The following BTNL8 variants were observed in gnomAD, a reference collection of about 807,000 sequenced individuals.
BTNL8 encodes the protein butyrophilin-like protein 8.
BTNL8 carries 22 observed loss-of-function variants against 36.1 expected under a neutral mutation model. The ratio of observed to expected loss-of-function variants is 0.61; its 90% confidence interval spans 0.44 to 0.87. The LOEUF (loss-of-function observed/expected upper bound fraction) is 0.87, where lower values mean the gene tolerates loss of function less well. Among genes scored for constraint, BTNL8 ranks in the 40% least tolerant of loss-of-function variants. The pLI is 0.00. For missense variants in BTNL8, 526 were observed against 616.9 expected, an observed-to-expected ratio of 0.85 and a Z score of 1.56; for synonymous variants, 203 against 235.6, an observed-to-expected ratio of 0.86 and a Z score of 1.27.
In BTNL8 at chr5:180,908,752, C is replaced by G. The variant is rs1402142093; in HGVS notation, c.216C>G (p.Asp72Glu). 3 of 1,614,056 alleles carry G rather than the reference C, an allele frequency of 1.9e-6. No individual in the cohort carries two copies. The highest frequency in any genetic ancestry group is 2.5e-6 in the Non-Finnish European group (3 of 1,180,056). ...TCCACCTCTACAGGGACGGGAAGGA[C>G]CAGCCATTTATGCAGATGCCACAGT... ...SVVHLYRDGKDQPFMQMPQYQ... is the reference protein window; with the variant it reads ...SVVHLYRDGKEQPFMQMPQYQ... The change falls in exon 2 of 8, where the codon GAC becomes GAG. Residue 72 changes from aspartate to glutamate, a missense_variant. Physicochemically the swap from Asp to Glu is conservative, Grantham distance 45. This residue lies in a region of BTNL8 where 350 missense variants were observed against 324.6 expected (regional missense o/e 1.08). Coordinates refer to ENST00000340184, the MANE Select transcript of BTNL8 (RefSeq NM_001040462.3).
chr5:180,910,255 A>G (rs1428688458), intron 2 of BTNL8, among the ~76,000 whole-genome samples: 4 of 152,070 alleles, frequency 2.6e-5, no homozygotes. Flanking sequence ...AAAAGAAAAA[A>G]AAAAAGAGGA....
chr5:180,941,295 A>G (rs1442174084), intron 3 of BTNL8, among the ~76,000 whole-genome samples: 1 of 152,236 alleles, frequency 6.6e-6, no homozygotes, highest in African/African-American at 2.4e-5. Flanking sequence ...AACAAGAGTG[A>G]ATCAGCAGTA....
At position 180,950,116 on chromosome 5, in the gene BTNL8, CG is replaced by C; in HGVS notation, c.1078del (p.Asp360MetfsTer10). 1 of 1,462,508 alleles carries C rather than the reference CG, an allele frequency of 6.8e-7. No individual in the cohort carries two copies. Among genetic ancestry groups the C allele is most frequent in the Non-Finnish European group, 9.4e-7 (1 of 1,058,658 alleles). The allele number at this position is 1,462,508 out of a possible 1,614,324, so 90.6% of individuals were successfully genotyped here. A position where few individuals can be genotyped will look rare whatever the true frequency, so the allele number is the denominator to read the frequency against. ...HNKRWRVGVC[R>X]DDVDRRKEYV... ...TAAAAGGTGGCGCGTGGGAGTGTGC[CG>C]GGATGATGTGGACAGGAGGAAGGAG... On this transcript the variant is annotated frameshift_variant, in exon 8 of 8. Transcript: ENST00000340184. LOFTEE classifies it low-confidence loss of function (END_TRUNC).
chr5:180,929,060 C>T (rs995806376), intron 3 of BTNL8, among the ~76,000 whole-genome samples: 2 of 151,948 alleles, frequency 1.3e-5, no homozygotes, highest in Non-Finnish European at 2.9e-5. Flanking sequence ...TCACATAATT[C>T]GAAACAGAAC....
At position 180,946,105 on chromosome 5, in the gene BTNL8, T is replaced by A. The variant is rs1481940390; in HGVS notation, c.674-1407T>A. Among the ~76,000 whole-genome samples, 3 of 152,190 alleles carry A rather than the reference T, an allele frequency of 2.0e-5. 1 individual carries two copies. In the South Asian group the frequency reaches 6.2e-4, roughly 32 times the overall value. On this transcript the variant is annotated intron_variant, in intron 3 of 7. Coordinates refer to ENST00000340184, the MANE Select transcript of BTNL8 (RefSeq NM_001040462.3). The stretch of plus-strand genomic sequence containing the variant: ...CCACAATGAGATATCACCTTACACC[T>A]CTTTGAATGGCTATTATCAAAAAGA...
At chr5:180,905,238 T>C (rs1437837494) in intron 1 of BTNL8, among the ~76,000 whole-genome samples, 1 of 151,280 alleles carries the variant, frequency 6.6e-6, no homozygotes, top group East Asian at 1.9e-4. Flanking sequence ...TTCAACTTCT[T>C]CCTGGTTTAG....
intron 3 of BTNL8, chr5:180,945,841 C>A: frequency 2.0e-6 from 1 of 492,866 alleles, no homozygotes; most frequent in Non-Finnish European, 4.1e-6. Flanking sequence ...GGAAATATGG[C>A]CTCAATATGT....
intron 3 of BTNL8, among the ~76,000 whole-genome samples, chr5:180,926,837 T>C (rs1758124525): frequency 6.6e-6 from 1 of 152,156 alleles, no homozygotes; most frequent in African/African-American, 2.4e-5. Context: ...GGCTTAGAGA[T>C]AAAACTCCCA....
At chr5:180,911,305 C>A (rs2113783092) in intron 2 of BTNL8, 34 bp from the exon 3 acceptor site, 1 of 1,607,652 alleles carries the variant, frequency 6.2e-7, no homozygotes, top group East Asian at 2.2e-5. Flanking sequence ...GGGATGTGAT[C>A]TTTGCTTTCA....
chr5:180,927,312 A>G (rs1301824385), intron 3 of BTNL8, among the ~76,000 whole-genome samples: 1 of 152,130 alleles, frequency 6.6e-6, no homozygotes, highest in African/African-American at 2.4e-5. Context: ...CCACACAGAA[A>G]CCCCATTCGA....
chr5:180,917,352 CAA>C (rs1267968328), intron 3 of BTNL8, among the ~76,000 whole-genome samples: 7 of 60,984 alleles, frequency 1.1e-4, no homozygotes, highest in Non-Finnish European at 1.5e-4. Context: ...TAGCAGAAAC[CAA>C]AGACAAGGTT....
intron 3 of BTNL8, among the ~76,000 whole-genome samples, chr5:180,917,027 G>A (rs901473276): frequency 2.7e-5 from 4 of 148,692 alleles, no homozygotes; most frequent in Admixed American, 6.6e-5. Context: ...GTTAGACTAC[G>A]GCACTATGAA....
At chr5:180,909,071 C>A in intron 2 of BTNL8, 138 bp downstream of exon 2, 1 of 862,816 alleles carries the variant, frequency 1.2e-6, no homozygotes, top group Non-Finnish European at 1.8e-6. Context: ...TTCCTTCTGT[C>A]TTGTGTGTAT....
chr5:180,905,801 G>A (rs1416867604), intron 1 of BTNL8, among the ~76,000 whole-genome samples: 1 of 150,784 alleles, frequency 6.6e-6, no homozygotes, highest in African/African-American at 2.5e-5. Context: ...AGTCATTCAG[G>A]AGCAGGTTGT....
chr5:180,918,051 A>G lies in BTNL8; in HGVS notation c.673+6437A>G, dbSNP rs189963134. Among the ~76,000 whole-genome samples, 20 of 151,846 alleles carry G rather than the reference A, an allele frequency of 1.3e-4. No individual in the cohort carries two copies. The Middle Eastern group carries it at 0.01, about 78-fold the overall frequency. ...CTCAAAAAAAAAAAAAAAGAAATAA[A>G]CAAAGAAAGAAAAATTAATGCCAAT... is the stretch of plus-strand genomic sequence containing the variant. On this transcript the variant is annotated intron_variant, in intron 3 of 7. Transcript: ENST00000340184.
intron 3 of BTNL8, among the ~76,000 whole-genome samples, chr5:180,921,564 T>A (rs1466466897): frequency 6.6e-6 from 1 of 151,988 alleles, no homozygotes; most frequent in Non-Finnish European, 1.5e-5. Context: ...GAAGAAGTTC[T>A]GGAGATCTAC....
chr5:180,916,283 T>G (rs1361463448), intron 3 of BTNL8, among the ~76,000 whole-genome samples: 1 of 152,120 alleles, frequency 6.6e-6, no homozygotes, highest in Non-Finnish European at 1.5e-5. Flanking sequence ...GAAACCACAG[T>G]GATGATGAAA....
rs1426320268 is a variant in BTNL8 at position 180,906,300 on chromosome 5, C to T, written c.50-2286C>T. Reference sequence around the variant, plus strand: ...AATGGCCTTCTTTGTCTCTTTTGATCTTTGTTGGTTTAAAGTCTGTTTTAT... The same window carrying T: ...AATGGCCTTCTTTGTCTCTTTTGATTTTTGTTGGTTTAAAGTCTGTTTTAT... On this transcript the variant is annotated intron_variant, in intron 1 of 7. Transcript: ENST00000340184. Among the ~76,000 whole-genome samples, 9 of 141,638 alleles carry T rather than the reference C, an allele frequency of 6.4e-5. No homozygotes were observed. In the South Asian group the frequency reaches 1.9e-3, roughly 30 times the overall value. 92.9% of individuals were successfully genotyped at this position (141,638 alleles called of 152,430 possible). A position where few individuals can be genotyped will look rare whatever the true frequency, so the allele number is the denominator to read the frequency against.
chr5:180,949,467 C>A, intron 7 of BTNL8: 1 of 857,738 alleles, frequency 1.2e-6, no homozygotes, highest in Non-Finnish European at 1.7e-6. Flanking sequence ...GGGGAGAAGA[C>A]AGGGGCTGGG....
Sources: gnomAD v4.1 joint callset for allele counts (sites outside exome capture counted in the v4.1 genomes callset) on GRCh38, gnomAD v4.1.1 for gene constraint, gnomAD v4.1.1 regional missense constraint, MANE v1.5 for transcripts, NCBI Gene and HGNC (gene_info 2026-07-23, HGNC 2026-07-21) for gene names.